Variants in KIAA0319 observed in about 807,000 individuals in gnomAD.
KIAA0319 encodes KIAA0319.
In KIAA0319, 83 loss-of-function variants were observed where a neutral mutation model predicts 108.4. The observed-to-expected ratio is 0.77, with a 90% CI of 0.64 to 0.92. The LOEUF (loss-of-function observed/expected upper bound fraction) is 0.92. Ranked by LOEUF, KIAA0319 falls within the 40% of genes least tolerant of loss-of-function variation. The probability of loss-of-function intolerance (pLI) is 0.00; values close to 1 mark genes in which losing one functional copy is unlikely to be tolerated. For missense variants in KIAA0319, 1,195 were observed against 1,322.4 expected, an observed-to-expected ratio of 0.90 and a Z score of 1.49; for synonymous variants, 484 against 510.4, an observed-to-expected ratio of 0.95 and a Z score of 0.70.
chr6:24,606,298 T>C (rs1447199180), intron 1 of KIAA0319, among the ~76,000 whole-genome samples: 2 of 152,126 alleles, frequency 1.3e-5, no homozygotes, highest in Admixed American at 6.5e-5. Context: ...TCTCATTCCT[T>C]CTCTAGGCTT....
intron 4 of KIAA0319, among the ~76,000 whole-genome samples, chr6:24,584,519 C>T (rs761007450): frequency 3.3e-5 from 5 of 151,762 alleles, no homozygotes; most frequent in Non-Finnish European, 5.9e-5. Flanking sequence ...TTAATCCACT[C>T]CCCTCCTCTC....
At chr6:24,606,720 C>G (rs535612465) in intron 1 of KIAA0319, among the ~76,000 whole-genome samples, 1 of 152,350 alleles carries the variant, frequency 6.6e-6, no homozygotes, top group South Asian at 2.1e-4. Context: ...ATTTCCCAAC[C>G]TCCCCTCACC....
intron 1 of KIAA0319, among the ~76,000 whole-genome samples, chr6:24,641,708 G>A (rs548136836): frequency 1.3e-5 from 2 of 152,092 alleles, no homozygotes; most frequent in African/African-American, 2.4e-5. Flanking sequence ...AATATACTGA[G>A]AGAGATGGTA....
At chr6:24,570,143 C>CTAGAG (rs1295259875) in intron 11 of KIAA0319, 108 bp from the exon 12 acceptor site, 23 of 1,030,616 alleles carry the variant, frequency 2.2e-5, no homozygotes, top group Admixed American at 8.8e-5. Context: ...CAGGCAGCCA[C>CTAGAG]TAGAGTATGC....
At chr6:24,614,982 G>T (rs1221852459) in intron 1 of KIAA0319, among the ~76,000 whole-genome samples, 2 of 151,608 alleles carry the variant, frequency 1.3e-5, no homozygotes, top group Non-Finnish European at 2.9e-5. Flanking sequence ...AGGAGGGGTT[G>T]GTACATAGTA....
downstream of KIAA0319, among the ~76,000 whole-genome samples, chr6:24,543,604 T>C (rs1760290785): frequency 6.6e-6 from 1 of 152,120 alleles, no homozygotes; most frequent in African/African-American, 2.4e-5. Context: ...AATTTTTGTG[T>C]GTGTGTTTTT....
chr6:24,602,527 G>C, intron 1 of KIAA0319, among the ~76,000 whole-genome samples: 2 of 152,254 alleles, frequency 1.3e-5, no homozygotes, highest in South Asian at 4.1e-4. Context: ...CTGGCCGGGT[G>C]CGGTGGCTCA....
intron 1 of KIAA0319, among the ~76,000 whole-genome samples, chr6:24,629,505 ACT>A (rs1273482975): frequency 7.0e-6 from 1 of 142,660 alleles, no homozygotes; most frequent in Non-Finnish European, 1.5e-5. Flanking sequence ...ACAGAGTGAG[ACT>A]CTGTCTCAAA....
rs367872201 is a variant in KIAA0319, at chr6:24,602,674, G to A, written c.-105-1466C>T. Among the ~76,000 whole-genome samples the A allele has an allele frequency of 7.2e-5, 11 of 152,226 alleles. No homozygotes were observed. In the South Asian group the frequency reaches 1.5e-3, roughly 20 times the overall value. ...AAATTAGCTGGGCGTGGTGGCGGGC[G>A]CCTGTAGTCCCAGCTACTCGGGAGG... On this transcript the variant is annotated intron_variant, in intron 1 of 20. Coordinates refer to ENST00000378214, the MANE Select transcript of KIAA0319 (RefSeq NM_014809.4).
chr6:24,595,806 T>C, intron 3 of KIAA0319, 67 bp downstream of exon 3: 1 of 1,502,264 alleles, frequency 6.7e-7, no homozygotes. Context: ...CTCCTGAAAC[T>C]CAGCCCCTCC....
intron 3 of KIAA0319, among the ~76,000 whole-genome samples, chr6:24,592,418 T>C (rs1402976066): frequency 6.6e-6 from 1 of 152,280 alleles, no homozygotes; most frequent in African/African-American, 2.4e-5. Flanking sequence ...CAGAATGAAA[T>C]AGTTTCTTTT....
At chr6:24,618,868 T>C (rs1340457899) in intron 1 of KIAA0319, among the ~76,000 whole-genome samples, 1 of 151,810 alleles carries the variant, frequency 6.6e-6, no homozygotes, top group East Asian at 1.9e-4. Flanking sequence ...AACAAAAAGA[T>C]TTTTGCTATT....
intron 1 of KIAA0319, among the ~76,000 whole-genome samples, chr6:24,616,390 G>A (rs542334393): frequency 1.2e-4 from 19 of 152,216 alleles, no homozygotes; most frequent in Middle Eastern, 3.4e-3. Flanking sequence ...ACGGAGTCTC[G>A]CTCTGTTGCC....
intron 6 of KIAA0319, among the ~76,000 whole-genome samples, chr6:24,581,868 G>T (rs753224821): frequency 3.9e-5 from 6 of 152,178 alleles, no homozygotes; most frequent in South Asian, 2.1e-4. Context: ...TTGCAGCTGG[G>T]CGTGGTGGCT....
At chr6:24,572,156 A>C (rs1425545016) in intron 11 of KIAA0319, among the ~76,000 whole-genome samples, 2 of 152,232 alleles carry the variant, frequency 1.3e-5, no homozygotes, top group African/African-American at 4.8e-5. Context: ...GCTACCTTTA[A>C]GGTTATTTAA....
At chr6:24,627,966 A>G (rs1242022704) in intron 1 of KIAA0319, among the ~76,000 whole-genome samples, 3 of 152,232 alleles carry the variant, frequency 2.0e-5, no homozygotes, top group African/African-American at 7.2e-5. Context: ...GCCTCCTTCC[A>G]AATACTGCTT....
At position 24,546,964 on chromosome 6, in the gene KIAA0319, A is replaced by G. The variant is rs563688643; in HGVS notation, c.*201T>C. The stretch of plus-strand genomic sequence containing the variant: ...AGAGTTTTACCCAGCCTTTATTTCT[A>G]TTAACAAGCATCTCAGTTAAAAGAG... On this transcript the variant is annotated 3_prime_UTR_variant, in exon 21 of 21. Coordinates refer to ENST00000378214, the MANE Select transcript of KIAA0319 (RefSeq NM_014809.4). 1.5e-5 allele frequency: 8 copies of G among 539,776 alleles called. No homozygotes were observed. In the East Asian group the frequency reaches 2.2e-4, roughly 15 times the overall value. 33.4% of individuals were successfully genotyped at this position (539,776 alleles called of 1,614,324 possible).
At chr6:24,579,723 TA>T (rs1353052925) in intron 8 of KIAA0319, 134 bp downstream of exon 8, 1 of 648,472 alleles carries the variant, frequency 1.5e-6, no homozygotes, top group Non-Finnish European at 2.6e-6. Flanking sequence ...AAAGAAGACA[TA>T]AAACTAAAGA....
At chr6:24,570,557 C>T (rs1404299263) in intron 11 of KIAA0319, among the ~76,000 whole-genome samples, 1 of 146,868 alleles carries the variant, frequency 6.8e-6, no homozygotes, top group South Asian at 2.2e-4. Flanking sequence ...CACTGCACTC[C>T]AGCCTGGGAG....
Sources: allele counts gnomAD v4.1 joint callset (sites outside exome capture counted in the v4.1 genomes callset), GRCh38; gene constraint gnomAD v4.1.1; transcripts MANE v1.5; gene names NCBI Gene and HGNC (gene_info 2026-07-23, HGNC 2026-07-21).